Variants in DLG2 observed in about 807,000 individuals in gnomAD.
The protein encoded by DLG2 is discs large MAGUK scaffold protein 2.
DLG2 carries 45 observed loss-of-function variants against 132.5 expected under a neutral mutation model. The observed-to-expected ratio is 0.34, with a 90% CI of 0.27 to 0.44. The LOEUF is 0.44. Ranked by LOEUF, DLG2 falls within the 20% of genes least tolerant of loss-of-function variation. DLG2 has a pLI of 1.00. For synonymous variants in DLG2, 424 were observed against 419.6 expected (o/e 1.01, Z -0.13); for missense variants, 1,045 against 1,196.9 (o/e 0.87, Z 1.87).
chr11:83,725,874 C>T (rs1405634241), intron 18 of DLG2, among the ~76,000 whole-genome samples: 1 of 152,174 alleles, frequency 6.6e-6, no homozygotes, highest in Non-Finnish European at 1.5e-5. Flanking sequence ...TCAATATTAT[C>T]ACTGCAGTTC....
At chr11:83,897,621 AT>A (rs2072152618) in intron 15 of DLG2, among the ~76,000 whole-genome samples, 2 of 152,178 alleles carry the variant, frequency 1.3e-5, no homozygotes, top group Admixed American at 1.3e-4. Flanking sequence ...TGGAGGCTGA[AT>A]TATTCATTAA....
intron 11 of DLG2, among the ~76,000 whole-genome samples, chr11:84,001,177 C>G (rs973551788): frequency 6.6e-6 from 1 of 151,772 alleles, no homozygotes; most frequent in African/African-American, 2.4e-5. Context: ...CATGATCCAA[C>G]TATATGCTGC....
chr11:85,131,493 C>T (rs534894999), intron 5 of DLG2, among the ~76,000 whole-genome samples: 2 of 152,114 alleles, frequency 1.3e-5, no homozygotes, highest in African/African-American at 4.8e-5. Flanking sequence ...CATACAATTT[C>T]CTACTTAAGA....
chr11:84,658,243 C>T (rs985750886), intron 6 of DLG2, among the ~76,000 whole-genome samples: 1 of 152,066 alleles, frequency 6.6e-6, no homozygotes, highest in Non-Finnish European at 1.5e-5. Context: ...ATAGAAGGAT[C>T]GTGGGTCCCT....
chr11:83,607,695 C>A lies in DLG2; in HGVS notation c.1940+25516G>T, dbSNP rs113162159. 6.8e-3 allele frequency among the ~76,000 whole-genome samples: 1,031 copies of A among 152,270 alleles called. 13 individuals are homozygous for A. Among genetic ancestry groups the A allele is most frequent in the African/African-American group, 0.024 (993 of 41,558 alleles). ...GTAGCAACTCTATTCATAAGAGCCA[C>A]AAACTGGAAATAATCCAAGTATCCT... On this transcript the variant is annotated intron_variant, in intron 19 of 27. Coordinates refer to ENST00000376104, the MANE Select transcript of DLG2 (RefSeq NM_001142699.3).
intron 3 of DLG2, among the ~76,000 whole-genome samples, chr11:85,386,902 C>CA (rs2086384081): frequency 1.5e-5 from 2 of 131,592 alleles, no homozygotes. Context: ...TTTTTTTTTT[C>CA]TTTTTTTTTT....
intron 3 of DLG2, among the ~76,000 whole-genome samples, chr11:85,349,179 G>C (rs576048684): frequency 6.6e-6 from 1 of 152,032 alleles, no homozygotes; most frequent in African/African-American, 2.4e-5. Flanking sequence ...CAGACTGTTT[G>C]TAGATAAACA....
At chr11:85,483,731 G>T (rs566270050) in intron 3 of DLG2, among the ~76,000 whole-genome samples, 1 of 151,840 alleles carries the variant, frequency 6.6e-6, no homozygotes, top group Admixed American at 6.6e-5. Flanking sequence ...ATCACTTGAG[G>T]TCAGGAGTTC....
At chr11:84,631,017 C>CTCTCTG (rs71036433) in intron 6 of DLG2, among the ~76,000 whole-genome samples, 4 of 117,876 alleles carry the variant, frequency 3.4e-5, no homozygotes, top group African/African-American at 1.6e-4. Context: ...CTCTCTCTCT[C>CTCTCTG]TCACACACAC....
chr11:83,613,780 C>T (rs904242409), intron 19 of DLG2, among the ~76,000 whole-genome samples: 1 of 151,810 alleles, frequency 6.6e-6, no homozygotes, highest in Admixed American at 6.6e-5. Flanking sequence ...AGAAAAGAAA[C>T]CAAAAAAAGA....
At position 85,627,213 on chromosome 11, in the gene DLG2, C is replaced by T. The variant is rs1390421184; in HGVS notation, c.-260+5G>A. 6.6e-6 allele frequency: 1 copy of T among 152,152 alleles called. No homozygotes were observed. The highest frequency in any genetic ancestry group is 6.5e-5 in the Admixed American group (1 of 15,278). 9.4% of individuals were successfully genotyped at this position (152,152 alleles called of 1,614,324 possible). A position where few individuals can be genotyped will look rare whatever the true frequency, so the allele number is the denominator to read the frequency against. ...TATTTACTGATCAGAAGTTCCGGAT[C>T]TCACCCCCTCAGTAACTCAGAATCC... On this transcript the variant is annotated splice_donor_5th_base_variant and intron_variant, in intron 1 of 27. Transcript: ENST00000376104.
chr11:83,850,158 G>GTTTTTTT (rs1430673250), intron 16 of DLG2, among the ~76,000 whole-genome samples: 5 of 127,780 alleles, frequency 3.9e-5, no homozygotes, highest in African/African-American at 1.9e-4. Flanking sequence ...GTGTGTGTGT[G>GTTTTTTT]TGTTTTTTTA....
intron 6 of DLG2, among the ~76,000 whole-genome samples, chr11:84,714,647 TTCTC>T (rs754541162): frequency 0.01 from 918 of 90,534 alleles, 7 homozygotes; most frequent in Admixed American, 0.016. Context: ...CTCTCTCTCT[TTCTC>T]TCTCTCTCTC....
chr11:85,428,141 C>T (rs1031457936), intron 3 of DLG2, among the ~76,000 whole-genome samples: 1 of 152,164 alleles, frequency 6.6e-6, no homozygotes, highest in African/African-American at 2.4e-5. Flanking sequence ...TCCTGAGAGA[C>T]CTAAAAAGAG....
At chr11:84,261,839 C>T (rs1039958211) in intron 7 of DLG2, among the ~76,000 whole-genome samples, 7 of 152,080 alleles carry the variant, frequency 4.6e-5, no homozygotes, top group Admixed American at 1.3e-4. Flanking sequence ...TCATGAGAAA[C>T]TCTTGGGGCA....
chr11:85,170,285 C>T (rs138933025), intron 4 of DLG2, among the ~76,000 whole-genome samples: 1 of 152,166 alleles, frequency 6.6e-6, no homozygotes, highest in Non-Finnish European at 1.5e-5. Context: ...AGATTTTTTC[C>T]TGTGTCTCTG....
chr11:84,433,306 A>G (rs2098990337), intron 7 of DLG2, among the ~76,000 whole-genome samples: 1 of 152,240 alleles, frequency 6.6e-6, no homozygotes, highest in Admixed American at 6.5e-5. Flanking sequence ...ATACTCTTGT[A>G]TATTACTACG....
chr11:85,625,043 A>C (rs2081960013), intron 2 of DLG2: 1 of 152,150 alleles, frequency 6.6e-6, no homozygotes, highest in African/African-American at 2.4e-5. Context: ...TTTCTAACTA[A>C]ACCTGCTTAG....
chr11:83,511,808 C>T (rs1283107168), intron 21 of DLG2, among the ~76,000 whole-genome samples: 6 of 151,102 alleles, frequency 4.0e-5, no homozygotes, highest in African/African-American at 1.5e-4. Context: ...AAGCAATTCT[C>T]TCACCTCAGC....
Sources: gnomAD v4.1 joint callset for allele counts (sites outside exome capture counted in the v4.1 genomes callset) on GRCh38, gnomAD v4.1.1 for gene constraint, MANE v1.5 for transcripts, NCBI Gene and HGNC (gene_info 2026-07-23, HGNC 2026-07-21) for gene names.